VAC14: variants seen among roughly 807,000 people sequenced by gnomAD.
VAC14 encodes VAC14 component of PIKFYVE complex, also known as protein VAC14 homolog.
A neutral mutation model predicts 85.3 loss-of-function variants in VAC14; 47 were observed. The ratio of observed to expected loss-of-function variants is 0.55; its 90% CI spans 0.44 to 0.70. VAC14 has a LOEUF of 0.70. VAC14 is among the 30% of genes least tolerant of loss of function. The pLI is 0.00. For synonymous variants in VAC14, 447 were observed against 430.5 expected, an observed-to-expected ratio of 1.04 and a Z score of -0.47; for missense variants, 861 against 1,004.3, an observed-to-expected ratio of 0.86 and a Z score of 1.93.
intron 14 of VAC14, among the ~76,000 whole-genome samples, chr16:70,712,277 C>T (rs1306663199): frequency 8.5e-5 from 13 of 152,204 alleles, no homozygotes; most frequent in Admixed American, 8.5e-4. Flanking sequence ...TGTCTTAGTC[C>T]TAGCTCTGGG....
intron 12 of VAC14, among the ~76,000 whole-genome samples, chr16:70,745,660 T>C (rs1048666895): frequency 6.6e-6 from 1 of 152,154 alleles, no homozygotes; most frequent in Non-Finnish European, 1.5e-5. Flanking sequence ...TGCCCCTCAC[T>C]CCTCTCTTGC....
intron 14 of VAC14, among the ~76,000 whole-genome samples, chr16:70,706,250 T>C (rs945400065): frequency 1.3e-5 from 2 of 152,216 alleles, no homozygotes; most frequent in East Asian, 1.9e-4. Flanking sequence ...ACTGGGCAGG[T>C]AGTCCTGGCT....
At position 70,786,341 on chromosome 16, in the gene VAC14, C is replaced by G. The variant is rs567566570; in HGVS notation, c.129G>C (p.Gln43His). ...CATGCTTGATTTGCACGGTATTGTT[C>G]TGGGCCACGAACTCCCGGACCAGCC... ...IEKLVREFVA[Q>H]NNTVQIKHVI... is the part of the protein sequence containing the mutation. Residue 43 changes from glutamine to histidine, a missense_variant, in exon 2 of 19, where the codon CAG becomes CAC. By Grantham distance (24) the Gln-to-His change is conservative. Around this residue, in one of 3 missense-constraint regions of VAC14, gnomAD observed 629 missense variants for 703.1 expected, o/e 0.89. Coordinates refer to ENST00000261776, the MANE Select transcript of VAC14 (RefSeq NM_018052.5). The G allele has an allele frequency of 3.1e-6, 5 of 1,614,146 alleles. No homozygotes were observed. In the African/African-American group the frequency reaches 5.3e-5, roughly 17 times the overall value.
chr16:70,704,922 C>T (rs1005119015), intron 14 of VAC14, among the ~76,000 whole-genome samples: 1 of 152,216 alleles, frequency 6.6e-6, no homozygotes, highest in African/African-American at 2.4e-5. Context: ...TCAGGCAAGA[C>T]ATGAAACTTC....
At chr16:70,787,079 G>C (rs902392034) in intron 1 of VAC14, among the ~76,000 whole-genome samples, 3 of 152,174 alleles carry the variant, frequency 2.0e-5, no homozygotes, top group Non-Finnish European at 4.4e-5. Context: ...GCTAGAGACA[G>C]GTAAAGAAAA....
intron 12 of VAC14, among the ~76,000 whole-genome samples, chr16:70,754,084 C>T (rs1036914473): frequency 5.3e-5 from 8 of 152,206 alleles, no homozygotes; most frequent in Admixed American, 2.0e-4. Context: ...CTCACTGGTC[C>T]ATCTGCCCAG....
intron 14 of VAC14, among the ~76,000 whole-genome samples, chr16:70,701,543 C>T (rs937882702): frequency 6.6e-5 from 10 of 152,156 alleles, no homozygotes; most frequent in Non-Finnish European, 1.3e-4. Context: ...ACACCCGCCC[C>T]CATGCCTAGG....
chr16:70,713,521 T>C (rs571208973), intron 14 of VAC14, among the ~76,000 whole-genome samples: 1 of 152,242 alleles, frequency 6.6e-6, no homozygotes, highest in South Asian at 2.1e-4. Context: ...CAGTCAAGAA[T>C]GGCCAGGGGA....
At chr16:70,732,944 C>T (rs943526646) in intron 13 of VAC14, among the ~76,000 whole-genome samples, 2 of 152,122 alleles carry the variant, frequency 1.3e-5, no homozygotes, top group Non-Finnish European at 2.9e-5. Flanking sequence ...CCACCACACC[C>T]GGCCCAAGGC....
At chr16:70,711,908 C>T (rs1360593638) in intron 14 of VAC14, among the ~76,000 whole-genome samples, 1 of 152,162 alleles carries the variant, frequency 6.6e-6, no homozygotes, top group Non-Finnish European at 1.5e-5. Flanking sequence ...AATATCAGAG[C>T]AGCCTCACGG....
intron 12 of VAC14, among the ~76,000 whole-genome samples, chr16:70,760,025 G>C (rs559263164): frequency 6.6e-5 from 10 of 152,326 alleles, no homozygotes; most frequent in African/African-American, 2.4e-4. Context: ...AGACACAAGT[G>C]AAGGGTCTAG....
rs1401517583 is a variant in VAC14, at chr16:70,781,851, T to C, written c.946+18A>G. On this transcript the variant is annotated intron_variant, in intron 8 of 18. Transcript: ENST00000261776. ...TTTGGGGCTTCTCTCAATTATTCTC[T>C]CCCAAAGCAAAGGATACTTTTCTTG... 3 of 1,613,232 alleles carry C rather than the reference T, an allele frequency of 1.9e-6. No homozygotes were observed. Among genetic ancestry groups the C allele is most frequent in the Non-Finnish European group, 2.5e-6 (3 of 1,179,606 alleles).
chr16:70,703,053 G>A (rs538494488), intron 14 of VAC14, among the ~76,000 whole-genome samples: 1 of 152,354 alleles, frequency 6.6e-6, no homozygotes, highest in East Asian at 1.9e-4. Context: ...TCACCACTCT[G>A]CTTCCCCAGT....
intron 12 of VAC14, among the ~76,000 whole-genome samples, chr16:70,752,605 C>T (rs904964327): frequency 6.6e-6 from 1 of 152,252 alleles, no homozygotes; most frequent in Non-Finnish European, 1.5e-5. Context: ...AGGAGATAAG[C>T]CTAGGGGCCA....
intron 14 of VAC14, among the ~76,000 whole-genome samples, chr16:70,722,431 G>A (rs1280432560): frequency 2.0e-5 from 3 of 152,238 alleles, no homozygotes; most frequent in Non-Finnish European, 2.9e-5. Flanking sequence ...TTCACAAACC[G>A]CATGCAGCAG....
chr16:70,698,583 G>A lies in VAC14; in HGVS notation c.1836+54C>T, dbSNP rs368558508. 6 of 1,605,234 alleles carry A rather than the reference G, an allele frequency of 3.7e-6. No individual in the cohort carries two copies. In the African/African-American group the frequency reaches 6.7e-5, roughly 18 times the overall value. On this transcript the variant is annotated intron_variant, in intron 15 of 18. Coordinates refer to ENST00000261776, the MANE Select transcript of VAC14 (RefSeq NM_018052.5). ...GCCGAGGGGCGGGCTCACACAGGGT[G>A]TGCCCCCTGGCATGCAGGAGACGCC...
chr16:70,772,083 C>T (rs752277720), intron 10 of VAC14, 26 bp downstream of exon 10: 14 of 1,612,342 alleles, frequency 8.7e-6, no homozygotes, highest in Middle Eastern at 1.7e-4. Flanking sequence ...TTTCCACAAA[C>T]CTTCTGGCTG....
rs1365026701 is a variant in VAC14 at position 70,799,823 on chromosome 16, T to TA, written c.104+973dup. On this transcript the variant is annotated intron_variant, in intron 1 of 18. Coordinates refer to ENST00000261776, the MANE Select transcript of VAC14 (RefSeq NM_018052.5). ...ATTCTGCAATGATGGAAACAGTCTA[T>TA]AATCTGTGCTGCCCTATATAGCAGC... Among the ~76,000 whole-genome samples, 59 of 152,368 alleles carry TA rather than the reference T, an allele frequency of 3.9e-4. 1 individual carries two copies. Among genetic ancestry groups the TA allele is most frequent in the African/African-American group, 1.3e-3 (54 of 41,592 alleles).
At chr16:70,697,000 T>C (rs2053725541) in intron 16 of VAC14, 139 bp downstream of exon 16, 1 of 663,750 alleles carries the variant, frequency 1.5e-6, no homozygotes, top group Non-Finnish European at 2.7e-6. Context: ...GCAGCCCTGA[T>C]GTCACAAGCC....
Sources: gnomAD v4.1 joint callset for allele counts (sites outside exome capture counted in the v4.1 genomes callset) on GRCh38, gnomAD v4.1.1 for gene constraint, gnomAD v4.1.1 regional missense constraint, MANE v1.5 for transcripts, NCBI Gene and HGNC (gene_info 2026-07-23, HGNC 2026-07-21) for gene names.